GCN1: variants seen among roughly 807,000 people sequenced by gnomAD.
The protein encoded by GCN1 is stalled ribosome sensor GCN1.
Under a neutral mutation model 288.4 loss-of-function variants are expected in GCN1, and 90 were observed. The observed-to-expected ratio is 0.31, with a 90% CI of 0.26 to 0.37. The LOEUF is 0.37. Ranked by LOEUF, GCN1 falls within the 10% of genes least tolerant of loss-of-function variation. The pLI is 1.00. For synonymous variants in GCN1, 1,386 were observed against 1,420.2 expected (o/e 0.98, Z 0.54); for missense variants, 2,586 against 3,419.9 (o/e 0.76, Z 6.08).
chr12:120,169,345 A>C (rs930038335), intron 15 of GCN1, among the ~76,000 whole-genome samples: 1 of 148,516 alleles, frequency 6.7e-6, no homozygotes, highest in Non-Finnish European at 1.5e-5. Flanking sequence ...GCCACAAAAA[A>C]TAATGAGAAA....
intron 5 of GCN1, among the ~76,000 whole-genome samples, chr12:120,179,770 C>G (rs192809746): frequency 6.6e-6 from 1 of 151,668 alleles, no homozygotes; most frequent in Admixed American, 6.6e-5. Context: ...CACAAATGAA[C>G]ATACAATTTC....
At chr12:120,190,549 G>C (rs972625696) in intron 1 of GCN1, 149 bp from the exon 2 acceptor site, 8 of 604,692 alleles carry the variant, frequency 1.3e-5, no homozygotes, top group African/African-American at 1.9e-5. Flanking sequence ...GGGTAATTCT[G>C]GTTGTGGGGG....
At chr12:120,141,400 C>G (rs1877190429) in intron 44 of GCN1, among the ~76,000 whole-genome samples, 1 of 152,194 alleles carries the variant, frequency 6.6e-6, no homozygotes, top group Non-Finnish European at 1.5e-5. Context: ...AAAAAAACAT[C>G]TACTTTCTGA....
intron 22 of GCN1, 93 bp from the exon 23 acceptor site, chr12:120,160,348 C>A: frequency 1.2e-6 from 1 of 853,840 alleles, no homozygotes; most frequent in Non-Finnish European, 1.9e-6. Context: ...ACACAAACAG[C>A]ACCATACCAG....
intron 1 of GCN1, among the ~76,000 whole-genome samples, chr12:120,190,621 C>T (rs568623382): frequency 4.2e-4 from 64 of 152,240 alleles, no homozygotes; most frequent in Non-Finnish European, 8.1e-4. Flanking sequence ...CCCACCTTCC[C>T]CACCCGCCCC....
At chr12:120,130,550 C>T (rs1876782029) in intron 56 of GCN1, 96 bp downstream of exon 56, 1 of 804,156 alleles carries the variant, frequency 1.2e-6, no homozygotes, top group Admixed American at 1.8e-5. Context: ...AACTAGCACA[C>T]AACTAGTTGA....
At chr12:120,184,406 C>A (rs1294148810) in intron 3 of GCN1, among the ~76,000 whole-genome samples, 163 bp from the exon 4 acceptor site, 1 of 152,236 alleles carries the variant, frequency 6.6e-6, no homozygotes, top group Non-Finnish European at 1.5e-5. Flanking sequence ...AAACTCACCT[C>A]CTCCTAGAGT....
In GCN1 at chr12:120,182,206, A is replaced by T. The variant is rs147858163; in HGVS notation, c.426+1363T>A. ...ACCACTCAGTGCAGATAAGCCAATG[A>T]GCTTGCCCCTTCTTACAAGGAGGCT... On this transcript the variant is annotated intron_variant, in intron 5 of 57. Coordinates refer to ENST00000300648, the MANE Select transcript of GCN1 (RefSeq NM_006836.2). 3.8e-3 allele frequency among the ~76,000 whole-genome samples: 576 copies of T among 152,192 alleles called. 4 individuals carry two copies. The highest frequency in any genetic ancestry group is 0.013 in the African/African-American group (532 of 41,530).
In GCN1 at chr12:120,145,342, C is replaced by T; in HGVS notation, c.4948-12G>A. The T allele has an allele frequency of 6.4e-7, 1 of 1,560,982 alleles. No individual in the cohort carries two copies. Among genetic ancestry groups the T allele is most frequent in the Non-Finnish European group, 8.7e-7 (1 of 1,154,542 alleles). On this transcript the variant is annotated splice_polypyrimidine_tract_variant and intron_variant, in intron 38 of 57. Transcript: ENST00000300648. ...TACGGAGCCAAGTCCTGCAACAACA[C>T]AGGAGGCGGCTCAGGTGAGGCCCGA... is the stretch of plus-strand genomic sequence containing the variant.
chr12:120,161,156 CCTG>C (rs1877913053), intron 22 of GCN1, among the ~76,000 whole-genome samples: 1 of 152,222 alleles, frequency 6.6e-6, no homozygotes, highest in Non-Finnish European at 1.5e-5. Context: ...AGGCGCTGTG[CCTG>C]CTATCAGGAG....
At position 120,153,255 on chromosome 12, in the gene GCN1, A is replaced by G; in HGVS notation, c.4020T>C (p.Ile1340=). 1.2e-6 allele frequency: 2 copies of G among 1,614,172 alleles called. No homozygotes were observed. The highest frequency in any genetic ancestry group is 8.5e-7 in the Non-Finnish European group (1 of 1,180,030). ...LDKSDPKVKP[I]VAKLIAALST... is the part of the protein sequence containing the mutation. ...AGAGGGCAGCGATGAGCTTGGCAACAATGGGCTTCACTTTGGGGTCACTCT... is the reference window on the plus strand; with the variant it reads ...AGAGGGCAGCGATGAGCTTGGCAACGATGGGCTTCACTTTGGGGTCACTCT... Residue 1340 remains isoleucine (I), a synonymous_variant, in exon 33 of 58, where the codon ATT becomes ATC. Coordinates refer to ENST00000300648, the MANE Select transcript of GCN1 (RefSeq NM_006836.2). This position sits in a 1 kb window ranked among gnomAD's most constrained non-coding sequence, Gnocchi z 4.4.
intron 16 of GCN1, among the ~76,000 whole-genome samples, chr12:120,166,401 CAAA>C (rs1190939956): frequency 2.2e-5 from 1 of 44,888 alleles, no homozygotes; most frequent in African/African-American, 8.1e-5. Context: ...GAGACTGTCT[CAAA>C]AAAAAAAAAA....
intron 1 of GCN1, among the ~76,000 whole-genome samples, chr12:120,191,602 G>A (rs1400017238): frequency 1.4e-4 from 21 of 152,196 alleles, no homozygotes; most frequent in African/African-American, 5.1e-4. Flanking sequence ...TGAGTTTTTC[G>A]TGCTTAAATC....
Position 120,188,209 on chromosome 12 carries a change from G to A in GCN1, c.121+2089C>T, listed in dbSNP as rs527836357. Among the ~76,000 whole-genome samples, 148 of 151,822 alleles carry A rather than the reference G, an allele frequency of 9.7e-4. 1 individual carries two copies. Among genetic ancestry groups the A allele is most frequent in the African/African-American group, 3.3e-3 (138 of 41,418 alleles). On this transcript the variant is annotated intron_variant, in intron 2 of 57. Transcript: ENST00000300648. ...AGCACTTTGGGAGGCCAAGGCAGGC[G>A]GATAACCTGAGATCAGGAGTTCAAG... is the stretch of plus-strand genomic sequence containing the variant.
chr12:120,184,037 G>C, intron 4 of GCN1, 75 bp downstream of exon 4: 1 of 1,328,700 alleles, frequency 7.5e-7, no homozygotes, highest in Non-Finnish European at 1.0e-6. Context: ...TCCCTCTGGT[G>C]CACAGTCAAC....
rs547803460 is a variant in GCN1, at chr12:120,175,690, G to A, written c.1042+56C>T. ...CAAGTCCCCTTCAGATCCCAGTTGAGGGAAATACCAGGGGCCACGCCTCAA... is the reference window on the plus strand; with the variant it reads ...CAAGTCCCCTTCAGATCCCAGTTGAAGGAAATACCAGGGGCCACGCCTCAA... On this transcript the variant is annotated intron_variant, in intron 11 of 57. Coordinates refer to ENST00000300648, the MANE Select transcript of GCN1 (RefSeq NM_006836.2). 1.3e-5 allele frequency: 20 copies of A among 1,559,488 alleles called. No homozygotes were observed. In the African/African-American group the frequency reaches 2.5e-4, roughly 19 times the overall value.
At chr12:120,165,926 GGAT>G (rs759845762) in intron 16 of GCN1, among the ~76,000 whole-genome samples, 56 of 151,658 alleles carry the variant, frequency 3.7e-4, no homozygotes, top group Non-Finnish European at 7.5e-4. Flanking sequence ...CGAGTAGCTG[GGAT>G]TACAGGCACC....
chr12:120,142,409 G>A lies in GCN1; in HGVS notation c.5829+98C>T. On this transcript the variant is annotated intron_variant, in intron 44 of 57. Transcript: ENST00000300648. The surrounding 1 kb of genome is among the most constrained non-coding windows in gnomAD (Gnocchi z 4.9). ...ACACAATGTCCCTCTGTTAGGCAGG[G>A]TGGATGGGTACTTTCCCAGGCTCTG... 6 of 790,114 alleles carry A rather than the reference G, an allele frequency of 7.6e-6. No homozygotes were observed. In the Middle Eastern group the frequency reaches 1.8e-3, roughly 243 times the overall value. 48.9% of individuals were successfully genotyped at this position (790,114 alleles called of 1,614,324 possible).
In GCN1 at chr12:120,167,329, G is replaced by T. The variant is rs1878163936; in HGVS notation, c.1612+879C>A. 5.2e-5 allele frequency among the ~76,000 whole-genome samples: 7 copies of T among 134,728 alleles called. No individual in the cohort carries two copies. The South Asian group carries it at 1.4e-3, about 27-fold the overall frequency. 88.4% of individuals were successfully genotyped at this position (134,728 alleles called of 152,430 possible). A position where few individuals can be genotyped will look rare whatever the true frequency, so the allele number is the denominator to read the frequency against. On this transcript the variant is annotated intron_variant, in intron 16 of 57. Coordinates refer to ENST00000300648, the MANE Select transcript of GCN1 (RefSeq NM_006836.2). ...ATCATGCCACTGCACTCCAGCCTGA[G>T]CAATAAGAACGAAACTCCATCTCAA...
Sources: allele counts gnomAD v4.1 joint callset (sites outside exome capture counted in the v4.1 genomes callset), GRCh38; gene constraint gnomAD v4.1.1; non-coding constraint Gnocchi (gnomAD v3.1); transcripts MANE v1.5; gene names NCBI Gene and HGNC (gene_info 2026-07-23, HGNC 2026-07-21).